ZNF736: variants seen among roughly 807,000 people sequenced by gnomAD.
ZNF736 encodes the protein KRAB-containing zinc-finger repressor protein.
Under a neutral mutation model 11.7 loss-of-function variants are expected in ZNF736, and 6 were observed. That is an observed-to-expected ratio of 0.51 (90% CI 0.28 to 1.01). The LOEUF (loss-of-function observed/expected upper bound fraction) is 1.01. ZNF736 is among the 50% of genes least tolerant of loss of function. The pLI is 0.09. For synonymous variants in ZNF736, 139 were observed against 164.7 expected, an observed-to-expected ratio of 0.84 and a Z score of 1.19; for missense variants, 444 against 496.0, an observed-to-expected ratio of 0.90 and a Z score of 1.00.
intron 3 of ZNF736, 77 bp from the exon 4 acceptor site, chr7:64,348,012 AT>A: frequency 8.5e-7 from 1 of 1,173,212 alleles, no homozygotes; most frequent in Non-Finnish European, 1.2e-6. Flanking sequence ...CGTTTTATTA[AT>A]TGCTTTGTAT....
chr7:64,329,252 C>A (rs1287128104), intron 1 of ZNF736, among the ~76,000 whole-genome samples: 1 of 151,860 alleles, frequency 6.6e-6, no homozygotes, highest in East Asian at 1.9e-4. Context: ...CACACTAGTG[C>A]CTTATTTAGC....
chr7:64,342,169 A>G (rs1255325678), intron 3 of ZNF736, among the ~76,000 whole-genome samples: 2 of 152,132 alleles, frequency 1.3e-5, no homozygotes, highest in Non-Finnish European at 2.9e-5. Context: ...AATTTGTCCA[A>G]ATTTTTGGAG....
intron 1 of ZNF736, among the ~76,000 whole-genome samples, chr7:64,330,256 C>A (rs1457915105): frequency 6.6e-6 from 1 of 151,952 alleles, no homozygotes; most frequent in Non-Finnish European, 1.5e-5. Flanking sequence ...TCCCGGGTTC[C>A]CGCCATTCTC....
At chr7:64,328,026 A>G (rs192524041) in intron 1 of ZNF736, among the ~76,000 whole-genome samples, 1 of 152,324 alleles carries the variant, frequency 6.6e-6, no homozygotes, top group East Asian at 1.9e-4. Context: ...GTAGTTATAG[A>G]CTAATCTTTT....
intron 1 of ZNF736, among the ~76,000 whole-genome samples, chr7:64,314,677 AC>A (rs1788886323): frequency 6.6e-6 from 1 of 151,902 alleles, no homozygotes; most frequent in South Asian, 2.1e-4. Context: ...TGATCCTCTC[AC>A]CCCAGCCCCC....
At chr7:64,344,390 T>C (rs1789381337) in intron 3 of ZNF736, among the ~76,000 whole-genome samples, 1 of 152,240 alleles carries the variant, frequency 6.6e-6, no homozygotes, top group Non-Finnish European at 1.5e-5. Context: ...TTTAGCAACA[T>C]ATCTTTAGAA....
chr7:64,331,098 G>C (rs995887218), intron 1 of ZNF736, among the ~76,000 whole-genome samples: 1 of 152,158 alleles, frequency 6.6e-6, no homozygotes, highest in South Asian at 2.1e-4. Flanking sequence ...AAGTTTTCTG[G>C]CTCTGAGCCT....
intron 1 of ZNF736, among the ~76,000 whole-genome samples, chr7:64,323,094 T>TA: frequency 6.6e-6 from 1 of 152,332 alleles, no homozygotes; most frequent in African/African-American, 2.4e-5. Context: ...TTTTCTGTCT[T>TA]ATGTGTTTGT....
At chr7:64,328,664 A>C (rs1378872680) in intron 1 of ZNF736, among the ~76,000 whole-genome samples, 1 of 152,090 alleles carries the variant, frequency 6.6e-6, no homozygotes, top group Non-Finnish European at 1.5e-5. Flanking sequence ...TGGGAGGCTG[A>C]GGCAGGAGAA....
intron 1 of ZNF736, 97 bp from the exon 2 acceptor site, chr7:64,336,162 A>G: frequency 1.4e-6 from 2 of 1,398,820 alleles, no homozygotes; most frequent in African/African-American, 1.4e-5. Flanking sequence ...CCAGTAACTC[A>G]TATAAGTCAG....
At chr7:64,337,194 G>GTGTGTGTGTGT (rs1554304555) in intron 3 of ZNF736, 67 of 544,100 alleles carry the variant, frequency 1.2e-4, no homozygotes, top group South Asian at 4.8e-4. Flanking sequence ...AGTAATGTGT[G>GTGTGTGTGTGT]TGTGTGTGTT....
chr7:64,318,132 CAT>C (rs1267257433), intron 1 of ZNF736, among the ~76,000 whole-genome samples: 3 of 151,748 alleles, frequency 2.0e-5, no homozygotes, highest in Non-Finnish European at 4.4e-5. Flanking sequence ...TTTTTAGAAA[CAT>C]AGGATTTTAA....
rs1789466401 is a variant in ZNF736, at chr7:64,350,127, T to C, written c.*980T>C. ...CCTCTCTAGGTTGGGGAAGTTCTCATGGATGTTATCCTGAAATACGTATTT... is the reference window on the plus strand; with the variant it reads ...CCTCTCTAGGTTGGGGAAGTTCTCACGGATGTTATCCTGAAATACGTATTT... On this transcript the variant is annotated 3_prime_UTR_variant, in exon 4 of 4. Transcript: ENST00000423484. The C allele has an allele frequency of 1.3e-5, 2 of 152,232 alleles. No individual in the cohort carries two copies. Among genetic ancestry groups the C allele is most frequent in the Admixed American group, 6.5e-5 (1 of 15,288 alleles). The allele number at this position is 152,232 out of a possible 1,614,324, so 9.4% of individuals were successfully genotyped here. A position where few individuals can be genotyped will look rare whatever the true frequency, so the allele number is the denominator to read the frequency against.
At chr7:64,332,207 T>G (rs914484788) in intron 1 of ZNF736, among the ~76,000 whole-genome samples, 3 of 152,180 alleles carry the variant, frequency 2.0e-5, no homozygotes, top group African/African-American at 7.2e-5. Context: ...AATGTTTACT[T>G]CTCTACTGTC....
At chr7:64,318,315 G>A (rs973982018) in intron 1 of ZNF736, among the ~76,000 whole-genome samples, 2 of 152,048 alleles carry the variant, frequency 1.3e-5, no homozygotes, top group Non-Finnish European at 2.9e-5. Context: ...ATCATTTAAT[G>A]TAGCTTAGCA....
intron 1 of ZNF736, among the ~76,000 whole-genome samples, chr7:64,319,448 A>T (rs1048261116): frequency 5.2e-4 from 72 of 139,470 alleles, no homozygotes; most frequent in African/African-American, 1.8e-3. Flanking sequence ...TAAATTTTTT[A>T]AAATTAGATT....
chr7:64,348,261 T>C lies in ZNF736; in HGVS notation c.398T>C (p.Leu133Pro). 6.4e-7 allele frequency: 1 copy of C among 1,551,970 alleles called. No individual in the cohort carries two copies. Among genetic ancestry groups the C allele is most frequent in the Non-Finnish European group, 8.7e-7 (1 of 1,146,914 alleles). The stretch of plus-strand genomic sequence containing the variant: ...GGGCAGAAAAGCAGTTATAATGGCC[T>C]TCATCAATGTTTGTCAGCTACCCAT... ...CKGQKSSYNGLHQCLSATHSK... is the reference protein window; with the variant it reads ...CKGQKSSYNGPHQCLSATHSK... Residue 133 changes from leucine (L) to proline (P), a missense_variant, in exon 4 of 4, where the codon CTT becomes CCT. By Grantham distance (98) the Leu-to-Pro change is moderately conservative. Coordinates refer to ENST00000423484, the MANE Select transcript of ZNF736 (RefSeq NM_001170905.3).
intron 1 of ZNF736, among the ~76,000 whole-genome samples, chr7:64,314,580 T>G (rs1290908454): frequency 2.6e-5 from 4 of 152,084 alleles, no homozygotes; most frequent in Non-Finnish European, 1.5e-5. Flanking sequence ...TTTTTTAAAT[T>G]TATTTATTTT....
chr7:64,348,267 A>G lies in ZNF736; in HGVS notation c.404A>G (p.Gln135Arg). 6.4e-7 allele frequency: 1 copy of G among 1,551,994 alleles called. No homozygotes were observed. The highest frequency in any genetic ancestry group is 8.7e-7 in the Non-Finnish European group (1 of 1,146,922). ...AAAAGCAGTTATAATGGCCTTCATC[A>G]ATGTTTGTCAGCTACCCATAGCAAA... Reference protein sequence around the residue: ...GQKSSYNGLHQCLSATHSKTC... With the variant: ...GQKSSYNGLHRCLSATHSKTC... The change falls in exon 4 of 4, where the codon CAA becomes CGA. Residue 135 changes from glutamine (Q) to arginine (R), a missense_variant. Transcript: ENST00000423484.
Sources: allele counts gnomAD v4.1 joint callset (sites outside exome capture counted in the v4.1 genomes callset), GRCh38; gene constraint gnomAD v4.1.1; transcripts MANE v1.5; gene names NCBI Gene and HGNC (gene_info 2026-07-23, HGNC 2026-07-21).